Variants in SPTBN2 observed in about 807,000 individuals in gnomAD.
SPTBN2 encodes spectrin beta chain, non-erythrocytic 2.
A neutral mutation model predicts 284.2 loss-of-function variants in SPTBN2; 107 were observed. The ratio of observed to expected loss-of-function variants is 0.38; its 90% CI spans 0.32 to 0.44. The LOEUF is 0.44. Ranked by LOEUF, SPTBN2 falls within the 20% of genes least tolerant of loss-of-function variation. The pLI, the probability that SPTBN2 is intolerant of heterozygous loss-of-function variation, is 1.00. For synonymous variants in SPTBN2, 1,289 were observed against 1,354.8 expected (o/e 0.95, Z 1.07); for missense variants, 2,569 against 3,287.1 (o/e 0.78, Z 5.34).
chr11:66,700,907 C>T lies in SPTBN2; in HGVS notation c.3192G>A (p.Ala1064=), dbSNP rs371684236. 1.6e-5 allele frequency: 26 copies of T among 1,601,030 alleles called. No individual in the cohort carries two copies. Among genetic ancestry groups the T allele is most frequent in the East Asian group, 2.2e-5 (1 of 44,870 alleles). Residue 1064 remains alanine, a synonymous_variant, in exon 17 of 38, where the codon GCG becomes GCA. Transcript: ENST00000533211. This position sits in a 1 kb window ranked among gnomAD's most constrained non-coding sequence, Gnocchi z 6.6. ...MRRREESLGE[A]RRLQDFLRSL... is the part of the protein sequence containing the mutation. ...TGCGCAAGAAGTCCTGCAGCCGCCG[C>T]GCCTCCCCCAGCGACTCTTCTCGAC...
chr11:66,712,312 G>C (rs200625695), intron 8 of SPTBN2, among the ~76,000 whole-genome samples: 1 of 152,230 alleles, frequency 6.6e-6, no homozygotes, highest in Non-Finnish European at 1.5e-5. Flanking sequence ...GCATTGGGAG[G>C]CCGAGGTGGG....
At chr11:66,695,157 G>C (rs1259779899) in intron 21 of SPTBN2, among the ~76,000 whole-genome samples, 1 of 151,806 alleles carries the variant, frequency 6.6e-6, no homozygotes, top group African/African-American at 2.4e-5. Context: ...GGTGTCAGCT[G>C]CTCCCTACAC....
At chr11:66,690,365 A>C in intron 27 of SPTBN2, 82 bp from the exon 28 acceptor site, 36 of 1,450,390 alleles carry the variant, frequency 2.5e-5, no homozygotes, top group African/African-American at 2.8e-5. Context: ...TGCCACTCTC[A>C]CCTCCTGCCT....
chr11:66,728,489 C>A (rs1381373862), intron 1 of SPTBN2: 1 of 150,496 alleles, frequency 6.6e-6, no homozygotes, highest in African/African-American at 2.4e-5. Context: ...GGGCTCTGGG[C>A]GGGGCCCGAG....
At position 66,691,275 on chromosome 11, in the gene SPTBN2, G is replaced by C. The variant is rs761584630; in HGVS notation, c.5565+9C>G. ...AAGCCTCCCCCACCTCCTCATGCTTGGGTCAGACCTGGGGGCTGAGGGCCT... is the reference window on the plus strand; with the variant it reads ...AAGCCTCCCCCACCTCCTCATGCTTCGGTCAGACCTGGGGGCTGAGGGCCT... On this transcript the variant is annotated intron_variant, in intron 27 of 37. Transcript: ENST00000533211. The surrounding 1 kb of genome is among the most constrained non-coding windows in gnomAD (Gnocchi z 8.0). 2.0e-6 allele frequency: 3 copies of C among 1,516,824 alleles called. No homozygotes were observed. The East Asian group carries it at 6.9e-5, about 35-fold the overall frequency. 94.0% of individuals were successfully genotyped at this position (1,516,824 alleles called of 1,614,324 possible). A position where few individuals can be genotyped will look rare whatever the true frequency, so the allele number is the denominator to read the frequency against.
chr11:66,715,486 C>G lies in SPTBN2; in HGVS notation c.310-91G>C, dbSNP rs1353239095. 4 of 1,488,190 alleles carry G rather than the reference C, an allele frequency of 2.7e-6. No homozygotes were observed. Among genetic ancestry groups the G allele is most frequent in the Non-Finnish European group, 3.6e-6 (4 of 1,102,230 alleles). The allele number at this position is 1,488,190 out of a possible 1,614,324, so 92.2% of individuals were successfully genotyped here. A position where few individuals can be genotyped will look rare whatever the true frequency, so the allele number is the denominator to read the frequency against. ...AGGGCCCAGCTTTGCACACCTTCCC[C>G]ATGACCTACCTCAGGAACACAGACA... is the stretch of plus-strand genomic sequence containing the variant. On this transcript the variant is annotated intron_variant, in intron 4 of 37. Transcript: ENST00000533211. The surrounding 1 kb of genome is among the most constrained non-coding windows in gnomAD (Gnocchi z 5.3).
At chr11:66,689,278 TCTTTC>T in intron 29 of SPTBN2, 98 bp from the exon 30 acceptor site, 3 of 1,334,414 alleles carry the variant, frequency 2.2e-6, no homozygotes, top group South Asian at 1.3e-5. Context: ...TTTCTTTCTT[TCTTTC>T]TTTTTTTTGA....
At chr11:66,713,953 A>T in intron 7 of SPTBN2, 138 bp downstream of exon 7, 1 of 977,394 alleles carries the variant, frequency 1.0e-6, no homozygotes, top group Non-Finnish European at 1.6e-6. Context: ...CTGCACCCCC[A>T]TGTTCTGGTT....
At position 66,715,724 on chromosome 11, in the gene SPTBN2, T is replaced by C. The variant is rs937703973; in HGVS notation, c.309+106A>G. ...CCATCCTCTGAGCAGAGGGAGCCAC[T>C]GCTTCCCGCCCTGTGCCGTCACTCT... On this transcript the variant is annotated intron_variant, in intron 4 of 37. Transcript: ENST00000533211. The surrounding 1 kb of genome is among the most constrained non-coding windows in gnomAD (Gnocchi z 5.3). The C allele has an allele frequency of 5.1e-5, 77 of 1,499,554 alleles. No individual in the cohort carries two copies. Among genetic ancestry groups the C allele is most frequent in the Admixed American group, 7.7e-5 (4 of 51,744 alleles). 92.9% of individuals were successfully genotyped at this position (1,499,554 alleles called of 1,614,324 possible).
At chr11:66,719,304 C>A (rs1942287037) in intron 3 of SPTBN2, among the ~76,000 whole-genome samples, 1 of 152,264 alleles carries the variant, frequency 6.6e-6, no homozygotes, top group South Asian at 2.1e-4. Flanking sequence ...CCCACCAGGG[C>A]CATCCTCCAC....
chr11:66,722,266 A>T (rs1942443479), intron 1 of SPTBN2, among the ~76,000 whole-genome samples: 1 of 151,872 alleles, frequency 6.6e-6, no homozygotes, highest in African/African-American at 2.4e-5. Flanking sequence ...TTCATAGATG[A>T]GGAAGCTGCA....
chr11:66,708,100 G>C lies in SPTBN2; in HGVS notation c.1350+41C>G. On this transcript the variant is annotated intron_variant, in intron 12 of 37. Transcript: ENST00000533211. This position sits in a 1 kb window ranked among gnomAD's most constrained non-coding sequence, Gnocchi z 4.4. ...TCTTATCCACCCTGTCTCTCTCCCA[G>C]TTCTGACCAGCCTAAGCATCCTAGG... 1 of 1,612,570 alleles carries C rather than the reference G, an allele frequency of 6.2e-7. No homozygotes were observed. The highest frequency in any genetic ancestry group is 1.1e-5 in the South Asian group (1 of 91,076).
intron 1 of SPTBN2, among the ~76,000 whole-genome samples, chr11:66,736,884 A>ACTAT (rs1232014433): frequency 6.6e-6 from 1 of 152,256 alleles, no homozygotes; most frequent in African/African-American, 2.4e-5. Context: ...CATGTCAACT[A>ACTAT]CTATGGCTTC....
chr11:66,688,414 TAAG>T, intron 31 of SPTBN2, 103 bp from the exon 32 acceptor site: 5 of 1,537,538 alleles, frequency 3.3e-6, no homozygotes, highest in Non-Finnish European at 4.4e-6. Flanking sequence ...TGAAATATGA[TAAG>T]AGGAGAACAG....
At chr11:66,686,563 G>T in intron 36 of SPTBN2, 123 bp from the exon 37 acceptor site, 1 of 1,037,452 alleles carries the variant, frequency 9.6e-7, no homozygotes, top group South Asian at 1.3e-5. Flanking sequence ...CTCAGAGCCG[G>T]ACCAGACACG....
intron 26 of SPTBN2, among the ~76,000 whole-genome samples, chr11:66,692,009 G>C (rs931722338): frequency 2.0e-5 from 3 of 152,178 alleles, no homozygotes; most frequent in Non-Finnish European, 4.4e-5. Context: ...CTGTTGAAAA[G>C]TGTGAGTGAT....
chr11:66,704,092 C>T (rs1362042564), intron 15 of SPTBN2, among the ~76,000 whole-genome samples: 2 of 151,678 alleles, frequency 1.3e-5, no homozygotes, highest in Non-Finnish European at 2.9e-5. Flanking sequence ...CCTGCCTCAG[C>T]CTCCCGAGTA....
chr11:66,737,922 C>A (rs1013024982), intron 1 of SPTBN2, among the ~76,000 whole-genome samples: 1 of 152,094 alleles, frequency 6.6e-6, no homozygotes, highest in African/African-American at 2.4e-5. Context: ...TTTAAGATTT[C>A]TTCTAATTTA....
chr11:66,738,773 C>G (rs1942874907), intron 1 of SPTBN2, among the ~76,000 whole-genome samples: 1 of 151,876 alleles, frequency 6.6e-6, no homozygotes, highest in Non-Finnish European at 1.5e-5. Context: ...CTCGGCCTCC[C>G]AAAGTGCTGG....
Sources: gnomAD v4.1 joint callset for allele counts (sites outside exome capture counted in the v4.1 genomes callset) on GRCh38, gnomAD v4.1.1 for gene constraint, Gnocchi (gnomAD v3.1) non-coding constraint, MANE v1.5 for transcripts, NCBI Gene and HGNC (gene_info 2026-07-23, HGNC 2026-07-21) for gene names.